The following CALN1 variants were observed in gnomAD, a reference collection of about 807,000 sequenced individuals.
CALN1 encodes the protein calneuron 1, also known as calcium-binding protein 8.
In CALN1, 17 loss-of-function variants were observed where a neutral mutation model predicts 30.6. That is an observed-to-expected ratio of 0.56 (90% confidence interval 0.38 to 0.83). The LOEUF (loss-of-function observed/expected upper bound fraction) is 0.83. Ranked by LOEUF, CALN1 falls within the 40% of genes least tolerant of loss-of-function variation. The probability of loss-of-function intolerance (pLI) is 0.00; values close to 1 mark genes in which losing one functional copy is unlikely to be tolerated. For synonymous variants in CALN1, 156 were observed against 131.4 expected (o/e 1.19, Z -1.28); for missense variants, 291 against 354.9 (o/e 0.82, Z 1.45).
chr7:72,371,426 T>C (rs1339896369), intron 2 of CALN1, among the ~76,000 whole-genome samples: 1 of 152,176 alleles, frequency 6.6e-6, no homozygotes, highest in Non-Finnish European at 1.5e-5. Flanking sequence ...CCTCATGCTG[T>C]TCCCATGATA....
At chr7:72,469,348 G>T in the CALN1 span, among the ~76,000 whole-genome samples, 1 of 152,066 alleles carries the variant, frequency 6.6e-6, no homozygotes, top group East Asian at 1.9e-4. Flanking sequence ...TCATGGTCTT[G>T]GCACCCTTGT....
At chr7:72,281,536 CTAATT>C (rs1263972421) in intron 2 of CALN1, among the ~76,000 whole-genome samples, 2 of 152,156 alleles carry the variant, frequency 1.3e-5, no homozygotes, top group African/African-American at 2.4e-5. Context: ...CTGATATTAT[CTAATT>C]TGTTAGCTAA....
At position 72,258,047 on chromosome 7, in the gene CALN1, C is replaced by G. The variant is rs377528140; in HGVS notation, c.244+20639G>C. On this transcript the variant is annotated intron_variant, in intron 3 of 6. Transcript: ENST00000395275. ...GCTTGGGTGATGGGTGCAACAAAAT[C>G]TCAGATATCACCACTGAAGAACTTA... Among the ~76,000 whole-genome samples the G allele has an allele frequency of 4.6e-5, 7 of 152,170 alleles. No individual in the cohort carries two copies. The East Asian group carries it at 1.2e-3, about 25-fold the overall frequency.
intron 5 of CALN1, among the ~76,000 whole-genome samples, chr7:71,887,331 T>C (rs1584448865): frequency 6.6e-6 from 1 of 152,286 alleles, no homozygotes; most frequent in Admixed American, 6.5e-5. Flanking sequence ...GTTTCGCTCT[T>C]GTTGCCCAGG....
chr7:71,912,320 TTGA>T (rs1794467333), intron 5 of CALN1, among the ~76,000 whole-genome samples: 2 of 152,066 alleles, frequency 1.3e-5, no homozygotes, highest in Admixed American at 1.3e-4. Flanking sequence ...GTGGTCCCAG[TTGA>T]TGATAACAGA....
At chr7:72,186,822 C>A (rs1332442056) in intron 3 of CALN1, among the ~76,000 whole-genome samples, 2 of 149,844 alleles carry the variant, frequency 1.3e-5, no homozygotes, top group East Asian at 3.9e-4. Flanking sequence ...CTGATGGACA[C>A]CTGTGTTAAT....
intron 3 of CALN1, among the ~76,000 whole-genome samples, chr7:72,110,571 C>CCT (rs951242956): frequency 3.3e-5 from 5 of 152,028 alleles, no homozygotes; most frequent in Admixed American, 3.3e-4. Context: ...ATAGGGAGCT[C>CCT]CTGGCTCCCA....
At chr7:72,032,122 G>C (rs192383168) in intron 4 of CALN1, among the ~76,000 whole-genome samples, 7,144 of 136,386 alleles carry the variant, frequency 0.052, 278 homozygotes, top group Non-Finnish European at 0.081. Flanking sequence ...GCAGTGGCAC[G>C]ATCTCAGCTC....
At chr7:72,026,016 C>A (rs1414909961) in intron 4 of CALN1, among the ~76,000 whole-genome samples, 2 of 152,226 alleles carry the variant, frequency 1.3e-5, no homozygotes, top group East Asian at 1.9e-4. Flanking sequence ...TCGGTGGCCT[C>A]TGGAGAAGAA....
chr7:72,207,613 T>C (rs572068498), intron 3 of CALN1, among the ~76,000 whole-genome samples: 3 of 141,824 alleles, frequency 2.1e-5, no homozygotes, highest in Non-Finnish European at 3.0e-5. Flanking sequence ...ACTGCACCCA[T>C]CCCGCTTACT....
chr7:71,801,222 A>T (rs1207010296), intron 6 of CALN1, among the ~76,000 whole-genome samples: 2 of 152,048 alleles, frequency 1.3e-5, no homozygotes, highest in Non-Finnish European at 2.9e-5. Flanking sequence ...TTCTTTTTAT[A>T]AAAACATTGA....
chr7:72,235,443 G>GC (rs1217176006), intron 3 of CALN1, among the ~76,000 whole-genome samples: 10 of 152,054 alleles, frequency 6.6e-5, no homozygotes, highest in Non-Finnish European at 1.2e-4. Flanking sequence ...TACATTGAAG[G>GC]CAACTCCTAA....
chr7:71,865,986 T>C (rs1299710220), intron 5 of CALN1, among the ~76,000 whole-genome samples: 1 of 152,008 alleles, frequency 6.6e-6, no homozygotes, highest in Admixed American at 6.6e-5. Context: ...AATGCAAAAA[T>C]TGTTAAATAC....
chr7:71,922,677 TATTA>T (rs1381979512), intron 5 of CALN1, among the ~76,000 whole-genome samples: 5 of 137,748 alleles, frequency 3.6e-5, no homozygotes, highest in Middle Eastern at 3.6e-3. Context: ...ATACAGAATA[TATTA>T]TATATAAATA....
At chr7:71,822,792 T>C (rs1788672202) in intron 5 of CALN1, among the ~76,000 whole-genome samples, 1 of 152,220 alleles carries the variant, frequency 6.6e-6, no homozygotes, top group Non-Finnish European at 1.5e-5. Context: ...AAGTTTAATT[T>C]GAGATTTATG....
At chr7:72,403,991 A>G (rs998395310) in intron 1 of CALN1, among the ~76,000 whole-genome samples, 2 of 152,148 alleles carry the variant, frequency 1.3e-5, no homozygotes, top group African/African-American at 4.8e-5. Flanking sequence ...ATGGCATCCC[A>G]TTACCAGCTC....
At chr7:71,889,649 T>C (rs1793120847) in intron 5 of CALN1, among the ~76,000 whole-genome samples, 1 of 152,056 alleles carries the variant, frequency 6.6e-6, no homozygotes, top group Non-Finnish European at 1.5e-5. Flanking sequence ...TTTGTGATTG[T>C]GTTGAAAAGA....
chr7:72,009,423 T>A (rs1217756700), intron 5 of CALN1, among the ~76,000 whole-genome samples: 3 of 152,176 alleles, frequency 2.0e-5, no homozygotes, highest in African/African-American at 7.2e-5. Context: ...ACCCTAAGAA[T>A]ACAAAAATGA....
chr7:72,436,828 A>C lies in CALN1; in HGVS notation c.-226+10214T>G, dbSNP rs548836485. 2.0e-5 allele frequency among the ~76,000 whole-genome samples: 3 copies of C among 152,298 alleles called. No homozygotes were observed. The East Asian group carries it at 5.8e-4, about 29-fold the overall frequency. On this transcript the variant is annotated intron_variant, in intron 1 of 6. Transcript: ENST00000395276. ...CCCAGCCCTACTGAATCAGAAATTCAGAAGGGGTGGGGCCCAAAAAGTCTG... is the reference window on the plus strand; with the variant it reads ...CCCAGCCCTACTGAATCAGAAATTCCGAAGGGGTGGGGCCCAAAAAGTCTG...
Sources: allele counts gnomAD v4.1 joint callset (sites outside exome capture counted in the v4.1 genomes callset), GRCh38; gene constraint gnomAD v4.1.1; transcripts MANE v1.5; gene names NCBI Gene and HGNC (gene_info 2026-07-23, HGNC 2026-07-21).